Variants in TTI1 observed in about 807,000 individuals in gnomAD.
TTI1 encodes TELO2-interacting protein 1 homolog.
In TTI1, 52 loss-of-function variants were observed where a neutral mutation model predicts 85.4. The observed-to-expected ratio is 0.61, with a 90% CI of 0.49 to 0.77. The LOEUF (loss-of-function observed/expected upper bound fraction) is 0.77, where lower values mean the gene tolerates loss of function less well. Ranked by LOEUF, TTI1 falls within the 30% of genes least tolerant of loss-of-function variation. The probability of loss-of-function intolerance (pLI) is 0.00; values close to 1 mark genes in which losing one functional copy is unlikely to be tolerated. For missense variants in TTI1, 1,173 were observed against 1,296.0 expected, an observed-to-expected ratio of 0.91 and a Z score of 1.46; for synonymous variants, 512 against 503.9, an observed-to-expected ratio of 1.02 and a Z score of -0.22.
rs1190929520 is a variant in TTI1, at chr20:37,997,055, GA to G, written c.2794-103del. 5.3e-3 allele frequency: 5,831 copies of G among 1,100,380 alleles called. 9 individuals carry two copies. Among genetic ancestry groups the G allele is most frequent in the African/African-American group, 0.019 (1,155 of 61,326 alleles). 68.2% of individuals were successfully genotyped at this position (1,100,380 alleles called of 1,614,324 possible). A position where few individuals can be genotyped will look rare whatever the true frequency, so the allele number is the denominator to read the frequency against. On this transcript the variant is annotated intron_variant, in intron 5 of 7. Coordinates refer to ENST00000373447, the MANE Select transcript of TTI1 (RefSeq NM_001303457.2). The stretch of plus-strand genomic sequence containing the variant: ...ATTTCATCTAGGTCTCTGCTTGGGG[GA>G]AAAAAAAAATAGAATTACTGCTGTT...
chr20:38,015,782 T>C (rs2073673716), intron 1 of TTI1, among the ~76,000 whole-genome samples: 1 of 152,204 alleles, frequency 6.6e-6, no homozygotes, highest in African/African-American at 2.4e-5. Context: ...ACCCAATTAG[T>C]GGCCTAGTAG....
In TTI1 at chr20:38,029,003, A is replaced by G. The variant is rs145155758; in HGVS notation, c.-42+4401T>C. On this transcript the variant is annotated intron_variant, in intron 1 of 7. Transcript: ENST00000373447. Reference sequence around the variant, plus strand: ...ATTACAGGCATGAGCTACAGTGCCTAGCCCACATTCTTTTCAAGTGCTCAT... The same window carrying G: ...ATTACAGGCATGAGCTACAGTGCCTGGCCCACATTCTTTTCAAGTGCTCAT... Among the ~76,000 whole-genome samples the G allele has an allele frequency of 6.9e-3, 1,051 of 152,262 alleles. 5 individuals are homozygous for G. Among genetic ancestry groups the G allele is most frequent in the African/African-American group, 0.02 (835 of 41,544 alleles).
intron 1 of TTI1, among the ~76,000 whole-genome samples, chr20:38,024,150 A>T (rs542111066): frequency 2.0e-5 from 3 of 152,304 alleles, no homozygotes; most frequent in Non-Finnish European, 2.9e-5. Flanking sequence ...CACAGAATAT[A>T]TATACAAATG....
intron 1 of TTI1, among the ~76,000 whole-genome samples, chr20:38,027,336 T>C (rs1372647265): frequency 6.6e-6 from 1 of 152,232 alleles, no homozygotes; most frequent in Non-Finnish European, 1.5e-5. Flanking sequence ...GTTGTTACAC[T>C]ATATTGTTTT....
intron 6 of TTI1, 87 bp downstream of exon 6, chr20:37,996,661 AG>A: frequency 3.4e-6 from 5 of 1,462,222 alleles, no homozygotes; most frequent in East Asian, 2.3e-5. Flanking sequence ...AGGGGAGGGG[AG>A]GGGGGCACGA....
At chr20:38,015,971 T>G (rs1379258503) in intron 1 of TTI1, among the ~76,000 whole-genome samples, 1 of 152,208 alleles carries the variant, frequency 6.6e-6, no homozygotes, top group African/African-American at 2.4e-5. Context: ...CCTGACCACA[T>G]TCTGGTAAAA....
In TTI1 at chr20:38,006,259, A is replaced by G. The variant is rs749118425; in HGVS notation, c.2441T>C (p.Leu814Pro). Residue 814 changes from leucine (L) to proline (P), a missense_variant, in exon 3 of 8, where the codon CTG becomes CCG. Transcript: ENST00000373447. ...CACATCCTTCTCTTTGAGGTAGTTCAGCAAAAACTGTTCGATGTCTTCAGC... is the reference window on the plus strand; with the variant it reads ...CACATCCTTCTCTTTGAGGTAGTTCGGCAAAAACTGTTCGATGTCTTCAGC... ...TTAEDIEQFL[L>P]NYLKEKDVAD... The G allele has an allele frequency of 1.2e-6, 2 of 1,614,218 alleles. No homozygotes were observed. Among genetic ancestry groups the G allele is most frequent in the Admixed American group, 1.7e-5 (1 of 60,022 alleles).
At chr20:37,985,521 G>C (rs1476417293) in intron 7 of TTI1, among the ~76,000 whole-genome samples, 1 of 151,612 alleles carries the variant, frequency 6.6e-6, no homozygotes, top group African/African-American at 2.4e-5. Context: ...GGTGGACAAG[G>C]GCACTGAATT....
At chr20:38,014,461 GCCTGTT>G in intron 1 of TTI1, among the ~76,000 whole-genome samples, 1 of 152,214 alleles carries the variant, frequency 6.6e-6, no homozygotes, top group South Asian at 2.1e-4. Context: ...GACATGTTTT[GCCTGTT>G]CCTGTCATTA....
intron 1 of TTI1, among the ~76,000 whole-genome samples, chr20:38,017,435 T>C (rs763149807): frequency 0.022 from 3,185 of 146,166 alleles, 76 homozygotes; most frequent in African/African-American, 0.059. Flanking sequence ...TGTGTGTGTG[T>C]GCGCGCGCGC....
At chr20:38,018,106 C>T (rs1289313866) in intron 1 of TTI1, among the ~76,000 whole-genome samples, 1 of 152,048 alleles carries the variant, frequency 6.6e-6, no homozygotes, top group African/African-American at 2.4e-5. Flanking sequence ...GAGGTAAATG[C>T]CCACAGCTAG....
At chr20:38,016,872 T>C (rs1325367835) in intron 1 of TTI1, among the ~76,000 whole-genome samples, 1 of 152,240 alleles carries the variant, frequency 6.6e-6, no homozygotes, top group East Asian at 1.9e-4. Context: ...CAGATACTTC[T>C]AGGTAGAAGC....
intron 7 of TTI1, among the ~76,000 whole-genome samples, chr20:37,995,569 C>A (rs1323529063): frequency 2.0e-5 from 3 of 152,244 alleles, no homozygotes; most frequent in Non-Finnish European, 4.4e-5. Flanking sequence ...CAGCAGCAGA[C>A]CTACCCTGGG....
At chr20:37,992,556 C>G (rs890892818) in intron 7 of TTI1, among the ~76,000 whole-genome samples, 2 of 152,146 alleles carry the variant, frequency 1.3e-5, no homozygotes, top group Admixed American at 6.5e-5. Flanking sequence ...GGATTACAAG[C>G]GTGAGCCACA....
chr20:38,018,207 T>C (rs2073711579), intron 1 of TTI1, among the ~76,000 whole-genome samples: 2 of 151,860 alleles, frequency 1.3e-5, no homozygotes, highest in South Asian at 2.1e-4. Context: ...ATAACCAAGA[T>C]TAATAAAGTC....
At chr20:38,010,515 G>C (rs1422484474) in intron 2 of TTI1, among the ~76,000 whole-genome samples, 1 of 132,772 alleles carries the variant, frequency 7.5e-6, no homozygotes, top group African/African-American at 3.0e-5. Flanking sequence ...CTGTCACCCA[G>C]GCTGGAGTGC....
Position 38,029,810 on chromosome 20 carries a change from T to C in TTI1, c.-42+3594A>G, listed in dbSNP as rs181848646. On this transcript the variant is annotated intron_variant, in intron 1 of 7. Transcript: ENST00000373447. ...TGGATTAATGGGTTATCATGGGAACTGGTGGCTTTATAAGAGCAAAACAGA... is the reference window on the plus strand; with the variant it reads ...TGGATTAATGGGTTATCATGGGAACCGGTGGCTTTATAAGAGCAAAACAGA... 4.0e-3 allele frequency among the ~76,000 whole-genome samples: 611 copies of C among 152,314 alleles called. 1 individual carries two copies. Among genetic ancestry groups the C allele is most frequent in the Non-Finnish European group, 5.2e-3 (354 of 68,034 alleles).
chr20:38,000,430 T>C (rs1218510323), intron 4 of TTI1: 1 of 54,766 alleles, frequency 1.8e-5, no homozygotes, highest in Non-Finnish European at 4.4e-5. Flanking sequence ...TGCATCAGTG[T>C]CACAGGCAGC....
chr20:38,019,451 G>A (rs1346332781), intron 1 of TTI1, among the ~76,000 whole-genome samples: 1 of 152,132 alleles, frequency 6.6e-6, no homozygotes, highest in Admixed American at 6.6e-5. Flanking sequence ...GTCTAGTAGT[G>A]TAATGAAGTG....
Sources: allele counts gnomAD v4.1 joint callset (sites outside exome capture counted in the v4.1 genomes callset), GRCh38; gene constraint gnomAD v4.1.1; transcripts MANE v1.5; gene names NCBI Gene and HGNC (gene_info 2026-07-23, HGNC 2026-07-21).